Variants in VSTM4 observed in about 807,000 individuals in gnomAD.
VSTM4 encodes the protein V-set and transmembrane domain-containing protein 4.
VSTM4 carries 20 observed loss-of-function variants against 36.4 expected under a neutral mutation model. That is an observed-to-expected ratio of 0.55 (90% confidence interval 0.39 to 0.80). VSTM4 has a LOEUF of 0.80. VSTM4 is among the 30% of genes least tolerant of loss of function. VSTM4 has a pLI of 0.00. For synonymous variants in VSTM4, 182 were observed against 173.9 expected (o/e 1.05, Z -0.37); for missense variants, 392 against 404.5 (o/e 0.97, Z 0.26).
intron 4 of VSTM4, among the ~76,000 whole-genome samples, chr10:49,065,408 T>G (rs1302080608): frequency 6.6e-6 from 1 of 152,242 alleles, no homozygotes; most frequent in Non-Finnish European, 1.5e-5. Flanking sequence ...TCCTTGTATG[T>G]GTCCACACCC....
At chr10:49,051,848 T>G (rs1436662340) in intron 5 of VSTM4, among the ~76,000 whole-genome samples, 7 of 152,236 alleles carry the variant, frequency 4.6e-5, no homozygotes, top group African/African-American at 1.4e-4. Flanking sequence ...AGTTTTTTTG[T>G]GTGTAGATAC....
chr10:49,114,287 A>T (rs1183877772), intron 1 of VSTM4, among the ~76,000 whole-genome samples: 3 of 152,184 alleles, frequency 2.0e-5, no homozygotes, highest in Non-Finnish European at 4.4e-5. Flanking sequence ...TCAGACTGGG[A>T]TCTATGGATT....
At chr10:49,072,496 G>C (rs891828094) in intron 4 of VSTM4, among the ~76,000 whole-genome samples, 5 of 152,100 alleles carry the variant, frequency 3.3e-5, no homozygotes, top group African/African-American at 1.2e-4. Context: ...CTTCCCACTG[G>C]GCCTGGCAGT....
intron 2 of VSTM4, among the ~76,000 whole-genome samples, chr10:49,105,759 C>T (rs912522756): frequency 2.0e-5 from 3 of 152,020 alleles, no homozygotes; most frequent in Non-Finnish European, 4.4e-5. Flanking sequence ...CAAGATATTT[C>T]GTCTGTGACT....
At chr10:49,072,767 G>A (rs913494915) in intron 4 of VSTM4, among the ~76,000 whole-genome samples, 1 of 152,182 alleles carries the variant, frequency 6.6e-6, no homozygotes, top group Non-Finnish European at 1.5e-5. Flanking sequence ...TGTCTCAGAG[G>A]CAGGCCCCAG....
At chr10:49,091,929 C>T (rs748474988) in intron 2 of VSTM4, among the ~76,000 whole-genome samples, 1 of 152,216 alleles carries the variant, frequency 6.6e-6, no homozygotes, top group Non-Finnish European at 1.5e-5. Flanking sequence ...CCTTCCAGAA[C>T]GCAGGATTCG....
intron 7 of VSTM4, among the ~76,000 whole-genome samples, chr10:49,045,428 C>T (rs1188748998): frequency 2.0e-5 from 3 of 152,110 alleles, no homozygotes; most frequent in African/African-American, 7.2e-5. Flanking sequence ...AATAGAAAAT[C>T]ACCCTTAGTG....
At chr10:49,024,086 C>T (rs1293861453) in intron 7 of VSTM4, among the ~76,000 whole-genome samples, 1 of 152,200 alleles carries the variant, frequency 6.6e-6, no homozygotes, top group Non-Finnish European at 1.5e-5. Context: ...TGAGAAGCAA[C>T]TCGGCCATTT....
chr10:49,108,871 G>C (rs974376045), intron 1 of VSTM4, among the ~76,000 whole-genome samples: 1 of 152,090 alleles, frequency 6.6e-6, no homozygotes, highest in African/African-American at 2.4e-5. Flanking sequence ...ACCCAGACCA[G>C]TAGACCTCAG....
In VSTM4 at chr10:49,018,760, G is replaced by A. The variant is rs899070691; in HGVS notation, c.*890C>T. The A allele has an allele frequency of 6.6e-6, 1 of 152,230 alleles. No individual in the cohort carries two copies. The highest frequency in any genetic ancestry group is 6.5e-5 in the Admixed American group (1 of 15,280). The allele number at this position is 152,230 out of a possible 1,614,324, so 9.4% of individuals were successfully genotyped here. A position where few individuals can be genotyped will look rare whatever the true frequency, so the allele number is the denominator to read the frequency against. On this transcript the variant is annotated 3_prime_UTR_variant, in exon 8 of 8. Transcript: ENST00000332853. ...TTCAGAACACACTTTCCAGCTTGGC[G>A]TGTACTTCCCACTCTCCTACCCTGA...
intron 5 of VSTM4, among the ~76,000 whole-genome samples, chr10:49,057,335 T>G (rs1843798466): frequency 6.6e-6 from 1 of 152,244 alleles, no homozygotes; most frequent in African/African-American, 2.4e-5. Context: ...AGAGTTTTTC[T>G]GAGAATAAGA....
chr10:49,047,655 C>G (rs574238606), intron 6 of VSTM4, among the ~76,000 whole-genome samples: 2 of 152,280 alleles, frequency 1.3e-5, no homozygotes, highest in South Asian at 4.1e-4. Context: ...CAGGCGTTCT[C>G]TACTCCCTTC....
chr10:49,026,097 C>G (rs895750268), intron 7 of VSTM4, among the ~76,000 whole-genome samples: 12 of 152,322 alleles, frequency 7.9e-5, no homozygotes, highest in African/African-American at 2.9e-4. Flanking sequence ...TCGGACTTCC[C>G]TGGGCACAGC....
intron 7 of VSTM4, among the ~76,000 whole-genome samples, chr10:49,027,166 C>T (rs936580177): frequency 6.6e-6 from 1 of 152,200 alleles, no homozygotes; most frequent in African/African-American, 2.4e-5. Flanking sequence ...GATTCTGCCT[C>T]GCCCTCTCTA....
chr10:49,064,601 A>C (rs1051639606), intron 5 of VSTM4, 102 bp downstream of exon 5: 4 of 1,344,466 alleles, frequency 3.0e-6, no homozygotes, highest in Admixed American at 4.0e-5. Flanking sequence ...AAATATGCAG[A>C]CTTTTAGGTA....
At chr10:49,075,827 G>A (rs1003487242) in intron 4 of VSTM4, among the ~76,000 whole-genome samples, 24 of 152,212 alleles carry the variant, frequency 1.6e-4, no homozygotes, top group African/African-American at 5.3e-4. Context: ...CTGACCCCCT[G>A]GCTTCTGGTG....
rs927426530 is a variant in VSTM4 at position 49,018,610 on chromosome 10, G to C, written c.*1040C>G. The C allele has an allele frequency of 2.0e-5, 3 of 152,190 alleles. No homozygotes were observed. The highest frequency in any genetic ancestry group is 2.9e-5 in the Non-Finnish European group (2 of 68,038). 9.4% of individuals were successfully genotyped at this position (152,190 alleles called of 1,614,324 possible). On this transcript the variant is annotated 3_prime_UTR_variant, in exon 8 of 8. Coordinates refer to ENST00000332853, the MANE Select transcript of VSTM4 (RefSeq NM_001031746.5). ...TTCAGAATGGATCCCCTGCCAGTAA[G>C]TCCAAGATTCCTGTGTCCCAAAGGT... is the stretch of plus-strand genomic sequence containing the variant.
chr10:49,024,496 G>T (rs531471341), intron 7 of VSTM4, among the ~76,000 whole-genome samples: 1 of 152,166 alleles, frequency 6.6e-6, no homozygotes, highest in Non-Finnish European at 1.5e-5. Flanking sequence ...CTATCGTCCT[G>T]GGGCTGACAG....
intron 2 of VSTM4, among the ~76,000 whole-genome samples, chr10:49,092,093 C>G (rs1326682374): frequency 1.3e-5 from 2 of 152,196 alleles, no homozygotes; most frequent in African/African-American, 4.8e-5. Flanking sequence ...GAAGCCTTCT[C>G]CCAGACTCTA....
Sources: gnomAD v4.1 joint callset for allele counts (sites outside exome capture counted in the v4.1 genomes callset) on GRCh38, gnomAD v4.1.1 for gene constraint, MANE v1.5 for transcripts, NCBI Gene and HGNC (gene_info 2026-07-23, HGNC 2026-07-21) for gene names.